FBLN2: variants seen among roughly 807,000 people sequenced by gnomAD.
FBLN2 encodes fibulin-2.
Under a neutral mutation model 123.7 loss-of-function variants are expected in FBLN2, and 81 were observed. That is an observed-to-expected ratio of 0.65 (90% CI 0.55 to 0.79). The LOEUF (loss-of-function observed/expected upper bound fraction) is 0.79, where lower values mean the gene tolerates loss of function less well. Ranked by LOEUF, FBLN2 falls within the 30% of genes least tolerant of loss-of-function variation. FBLN2 has a pLI of 0.00. For missense variants in FBLN2, 1,603 were observed against 1,681.3 expected, an observed-to-expected ratio of 0.95 and a Z score of 0.81; for synonymous variants, 699 against 701.4, an observed-to-expected ratio of 1.00 and a Z score of 0.05.
At chr3:13,573,218 C>A (rs1308557166) in intron 2 of FBLN2, among the ~76,000 whole-genome samples, 3 of 152,098 alleles carry the variant, frequency 2.0e-5, no homozygotes, top group African/African-American at 7.2e-5. Context: ...CCTCTTCTCA[C>A]ACCAGTCAGA....
rs1379583003 is a variant in FBLN2, at chr3:13,627,944, G to A, written c.2544G>A (p.Leu848=). ...QARQRCMDGF[L]QDPEGNCVDI... ...GGCAGCGCTGCATGGATGGCTTCCT[G>A]CAGGATCCTGAAGGCAACTGTGTGG... The change falls in exon 11 of 18, where the codon CTG becomes CTA. Residue 848 remains leucine (L), a synonymous_variant. Coordinates refer to ENST00000404922, the MANE Select transcript of FBLN2 (RefSeq NM_001004019.2). 6.2e-7 allele frequency: 1 copy of A among 1,613,674 alleles called. No individual in the cohort carries two copies. The highest frequency in any genetic ancestry group is 1.7e-5 in the Admixed American group (1 of 59,980).
intron 2 of FBLN2, among the ~76,000 whole-genome samples, chr3:13,588,992 T>C (rs1704589461): frequency 6.6e-6 from 1 of 152,242 alleles, no homozygotes; most frequent in South Asian, 2.1e-4. Flanking sequence ...AGCAGAAGTA[T>C]AGTCTCTTAG....
intron 2 of FBLN2, among the ~76,000 whole-genome samples, chr3:13,591,910 C>T (rs894547459): frequency 6.6e-6 from 1 of 152,108 alleles, no homozygotes; most frequent in Non-Finnish European, 1.5e-5. Context: ...TTCAGCTGGC[C>T]CAGCACCATG....
chr3:13,576,862 G>T (rs1044122786), intron 2 of FBLN2, among the ~76,000 whole-genome samples: 1 of 152,218 alleles, frequency 6.6e-6, no homozygotes, highest in African/African-American at 2.4e-5. Context: ...CTGACATTCT[G>T]TTGGGGAAGA....
intron 1 of FBLN2, among the ~76,000 whole-genome samples, chr3:13,559,188 C>A (rs1421835027): frequency 6.6e-6 from 1 of 152,036 alleles, no homozygotes; most frequent in Non-Finnish European, 1.5e-5. Flanking sequence ...TAGGTATGTG[C>A]CCATATGTCT....
chr3:13,618,379 A>G (rs1705710350), intron 6 of FBLN2, 94 bp downstream of exon 6: 1 of 1,132,858 alleles, frequency 8.8e-7, no homozygotes, highest in Admixed American at 2.1e-5. Context: ...GGGGTCCTTC[A>G]CTTCCTGTTA....
Position 13,602,914 on chromosome 3 carries a change from C to CT in FBLN2, c.1307-5137dup, listed in dbSNP as rs1197468151. 8.9e-4 allele frequency among the ~76,000 whole-genome samples: 127 copies of CT among 143,328 alleles called. 1 individual carries two copies. In the East Asian group the frequency reaches 0.014, roughly 15 times the overall value. 94.0% of individuals were successfully genotyped at this position (143,328 alleles called of 152,430 possible). ...TTGGCCCTTTTTTCTTTCTTTCTTT[C>CT]TTTTTTTTTTTCCCCAAGACGAGTC... On this transcript the variant is annotated intron_variant, in intron 2 of 17. Coordinates refer to ENST00000404922, the MANE Select transcript of FBLN2 (RefSeq NM_001004019.2).
At chr3:13,557,541 T>A (rs931241717) in intron 1 of FBLN2, among the ~76,000 whole-genome samples, 3 of 152,194 alleles carry the variant, frequency 2.0e-5, no homozygotes, top group African/African-American at 4.8e-5. Flanking sequence ...TGTTCCATAC[T>A]CCCAGGCAGG....
At chr3:13,556,160 A>G (rs1703458362) in intron 1 of FBLN2, among the ~76,000 whole-genome samples, 1 of 152,204 alleles carries the variant, frequency 6.6e-6, no homozygotes, top group South Asian at 2.1e-4. Context: ...TCCGGCTGCT[A>G]TAACAAATGT....
chr3:13,567,066 AGCC>A (rs1703768685), intron 1 of FBLN2, among the ~76,000 whole-genome samples: 1 of 152,178 alleles, frequency 6.6e-6, no homozygotes, highest in African/African-American at 2.4e-5. Context: ...GAGATGGGCA[AGCC>A]TGAGGTTTGG....
rs1703433358 is a variant in FBLN2, at chr3:13,555,301, A to ACCTT, written c.-42+6093_-42+6094insCCTT. On this transcript the variant is annotated intron_variant, in intron 1 of 17. Coordinates refer to ENST00000404922, the MANE Select transcript of FBLN2 (RefSeq NM_001004019.2). ...CCTTTGATCACAACTGTAGACAGAA[A>ACCTT]TCAGGATCACTTGTCCTAAACCAGC... 2.0e-5 allele frequency among the ~76,000 whole-genome samples: 3 copies of ACCTT among 152,100 alleles called. No homozygotes were observed. The South Asian group carries it at 6.2e-4, about 32-fold the overall frequency.
intron 1 of FBLN2, among the ~76,000 whole-genome samples, chr3:13,561,179 G>A (rs1409418620): frequency 1.3e-5 from 2 of 152,120 alleles, no homozygotes; most frequent in Non-Finnish European, 2.9e-5. Flanking sequence ...CCTAAATGAT[G>A]TAGCTTAGAT....
intron 2 of FBLN2, among the ~76,000 whole-genome samples, chr3:13,604,672 G>A (rs577277628): frequency 6.6e-6 from 1 of 152,320 alleles, no homozygotes; most frequent in African/African-American, 2.4e-5. Context: ...TAATAATTCA[G>A]TGGGGGATGT....
chr3:13,607,108 C>T (rs1705231866), intron 2 of FBLN2, among the ~76,000 whole-genome samples: 1 of 152,164 alleles, frequency 6.6e-6, no homozygotes, highest in East Asian at 1.9e-4. Context: ...CTGCCTCAGC[C>T]TCCTGAGTAG....
intron 2 of FBLN2, among the ~76,000 whole-genome samples, chr3:13,600,046 C>CGA (rs1252358257): frequency 7.8e-5 from 10 of 128,218 alleles, no homozygotes; most frequent in Admixed American, 1.5e-4. Flanking sequence ...AGAGAGAGAG[C>CGA]GAGAGAGAGA....
chr3:13,637,504 C>A, intron 17 of FBLN2, 58 bp from the exon 18 acceptor site: 1 of 1,464,422 alleles, frequency 6.8e-7, no homozygotes, highest in South Asian at 1.3e-5. Context: ...TCTGTGTCCC[C>A]GTCTGGGGAT....
rs74993420 is a variant in FBLN2 at position 13,622,703 on chromosome 3, G to A, written c.2296+788G>A. On this transcript the variant is annotated intron_variant, in intron 9 of 17. Transcript: ENST00000404922. ...AGGCCCCATGTGGGCCAGGCGCCGT[G>A]GCTCTGGGAGTGCTCTGTGCGTACA... 1.7e-3 allele frequency among the ~76,000 whole-genome samples: 256 copies of A among 152,322 alleles called. 3 individuals carry two copies. In the East Asian group the frequency reaches 0.029, roughly 17 times the overall value.
At chr3:13,608,311 T>A (rs1325892625) in intron 3 of FBLN2, 138 bp downstream of exon 3, 7 of 654,920 alleles carry the variant, frequency 1.1e-5, no homozygotes, top group Non-Finnish European at 1.8e-5. Flanking sequence ...TGATTGGGTG[T>A]GGCTGCCGTG....
chr3:13,588,657 G>T (rs1288524057), intron 2 of FBLN2, among the ~76,000 whole-genome samples: 1 of 152,246 alleles, frequency 6.6e-6, no homozygotes, highest in Non-Finnish European at 1.5e-5. Context: ...AGAAGACCAC[G>T]CTGGACAGTG....
Sources: allele counts gnomAD v4.1 joint callset (sites outside exome capture counted in the v4.1 genomes callset), GRCh38; gene constraint gnomAD v4.1.1; transcripts MANE v1.5; gene names NCBI Gene and HGNC (gene_info 2026-07-23, HGNC 2026-07-21).